Variants in SPOP observed in about 807,000 individuals in gnomAD.
SPOP encodes the protein speckle-type POZ protein.
A neutral mutation model predicts 45.6 loss-of-function variants in SPOP; 11 were observed. That is an observed-to-expected ratio of 0.24 (90% CI 0.15 to 0.40). The LOEUF is 0.40. Among genes scored for constraint, SPOP ranks in the 10% least tolerant of loss-of-function variants. SPOP has a pLI of 1.00. For missense variants in SPOP, 152 were observed against 465.6 expected (o/e 0.33, Z 6.20); for synonymous variants, 166 against 166.3 (o/e 1.00, Z 0.01).
chr17:49,644,421 GT>G (rs1448747078), intron 1 of SPOP, among the ~76,000 whole-genome samples: 1 of 152,106 alleles, frequency 6.6e-6, no homozygotes, highest in Non-Finnish European at 1.5e-5. Context: ...TAATGAGGTA[GT>G]TTAGGACAAA....
intron 1 of SPOP, among the ~76,000 whole-genome samples, chr17:49,650,116 C>T (rs1172817333): frequency 6.6e-6 from 1 of 151,748 alleles, no homozygotes; most frequent in Non-Finnish European, 1.5e-5. Context: ...GTCTTGAACT[C>T]CCAACCTCAG....
At chr17:49,623,637 AC>A (rs1416156364) in intron 1 of SPOP, among the ~76,000 whole-genome samples, 5 of 152,120 alleles carry the variant, frequency 3.3e-5, no homozygotes, top group African/African-American at 1.2e-4. Context: ...CTATTCCTCA[AC>A]CCATTGCTGG....
intron 1 of SPOP, among the ~76,000 whole-genome samples, chr17:49,648,316 G>T (rs535272361): frequency 3.9e-4 from 59 of 152,226 alleles, no homozygotes; most frequent in Admixed American, 3.7e-3. Flanking sequence ...AACCTACAGA[G>T]TCCTATAAGA....
chr17:49,648,656 C>A (rs977916561), intron 1 of SPOP, among the ~76,000 whole-genome samples: 1 of 152,212 alleles, frequency 6.6e-6, no homozygotes, highest in African/African-American at 2.4e-5. Context: ...ACAATGGGGG[C>A]TCTCCTCAAA....
chr17:49,624,331 G>GCGCGCGCGCA (rs71352523), intron 1 of SPOP, among the ~76,000 whole-genome samples: 1 of 149,224 alleles, frequency 6.7e-6, no homozygotes, highest in African/African-American at 2.5e-5. Flanking sequence ...GCGCGCGCGC[G>GCGCGCGCGCA]CACACACACA....
In SPOP at chr17:49,600,106, G is replaced by T. The variant is rs936549467; in HGVS notation, c.*272C>A. ...AGTACCACCGCTGGGATATCCTCGG[G>T]CCAGCGCCTAAACTGAATCCCCACA... On this transcript the variant is annotated 3_prime_UTR_variant, in exon 10 of 10. Coordinates refer to ENST00000504102, the MANE Select transcript of SPOP (RefSeq NM_001007228.2). This position sits in a 1 kb window ranked among gnomAD's most constrained non-coding sequence, Gnocchi z 4.2. The T allele has an allele frequency of 4.4e-6, 2 of 449,688 alleles. No individual in the cohort carries two copies. Among genetic ancestry groups the T allele is most frequent in the Admixed American group, 3.4e-5 (1 of 29,370 alleles). 27.9% of individuals were successfully genotyped at this position (449,688 alleles called of 1,614,324 possible).
chr17:49,599,607 A>G lies in SPOP; in HGVS notation c.*771T>C, dbSNP rs2071703607. The G allele has an allele frequency of 4.6e-6, 1 of 216,502 alleles. No individual in the cohort carries two copies. The highest frequency in any genetic ancestry group is 9.3e-6 in the Non-Finnish European group (1 of 107,254). 13.4% of individuals were successfully genotyped at this position (216,502 alleles called of 1,614,324 possible). On this transcript the variant is annotated 3_prime_UTR_variant, in exon 10 of 10. Coordinates refer to ENST00000504102, the MANE Select transcript of SPOP (RefSeq NM_001007228.2). ...TTTTCCACAATATCTAAAAACAGAG[A>G]ACCATAGTTCTTGTCAAGACAATAT...
chr17:49,643,411 G>A (rs2072695460), intron 1 of SPOP, among the ~76,000 whole-genome samples: 1 of 152,152 alleles, frequency 6.6e-6, no homozygotes, highest in East Asian at 1.9e-4. Flanking sequence ...AAAACCACTG[G>A]CAATTGAAAC....
chr17:49,670,436 C>T (rs1270204788), intron 1 of SPOP, among the ~76,000 whole-genome samples: 1 of 152,074 alleles, frequency 6.6e-6, no homozygotes, highest in East Asian at 1.9e-4. Context: ...TGAGAATAAC[C>T]TTGTAAATAT....
intron 1 of SPOP, among the ~76,000 whole-genome samples, chr17:49,634,896 G>T (rs749910144): frequency 5.3e-5 from 8 of 152,200 alleles, no homozygotes; most frequent in Non-Finnish European, 1.0e-4. Flanking sequence ...TGCTCCAGGG[G>T]ATTTGGTCTC....
intron 1 of SPOP, among the ~76,000 whole-genome samples, chr17:49,676,711 T>A (rs1454692620): frequency 6.6e-6 from 1 of 152,218 alleles, no homozygotes; most frequent in African/African-American, 2.4e-5. Context: ...AATCTTTTGC[T>A]ATTAAGATTT....
chr17:49,639,006 G>C (rs1229922232), intron 1 of SPOP, among the ~76,000 whole-genome samples: 1 of 152,172 alleles, frequency 6.6e-6, no homozygotes, highest in Non-Finnish European at 1.5e-5. Flanking sequence ...ATAATAGCAG[G>C]AGTCAGGCTG....
At chr17:49,612,655 T>C (rs1249357575) in intron 5 of SPOP, 1 of 152,234 alleles carries the variant, frequency 6.6e-6, no homozygotes, top group African/African-American at 2.4e-5. Flanking sequence ...ATAAAATAAA[T>C]GTCAGTTGCC....
chr17:49,630,264 T>TG (rs2072425598), intron 1 of SPOP, among the ~76,000 whole-genome samples: 1 of 152,222 alleles, frequency 6.6e-6, no homozygotes, highest in Non-Finnish European at 1.5e-5. Context: ...AAAGGAGCCT[T>TG]TTGTTTTTTC....
intron 1 of SPOP, among the ~76,000 whole-genome samples, chr17:49,667,211 C>G (rs1337225865): frequency 6.7e-6 from 1 of 148,328 alleles, no homozygotes; most frequent in Admixed American, 6.7e-5. Flanking sequence ...TTAAAACACA[C>G]CCATTAGGAT....
chr17:49,672,949 A>C (rs1410695198), intron 1 of SPOP, among the ~76,000 whole-genome samples: 1 of 152,086 alleles, frequency 6.6e-6, no homozygotes, highest in Non-Finnish European at 1.5e-5. Context: ...TCCATCTCGA[A>C]AAAAAAACAA....
chr17:49,624,326 C>T (rs538519526), intron 1 of SPOP, among the ~76,000 whole-genome samples: 46 of 93,500 alleles, frequency 4.9e-4, no homozygotes, highest in African/African-American at 1.2e-3. Flanking sequence ...CACACGCGCG[C>T]GCGCGCACAC....
chr17:49,639,336 A>G (rs1244480514), intron 1 of SPOP, among the ~76,000 whole-genome samples: 4 of 152,148 alleles, frequency 2.6e-5, no homozygotes, highest in African/African-American at 9.7e-5. Flanking sequence ...ACAAACTGGT[A>G]CCACCAGTTT....
chr17:49,600,533 T>C lies in SPOP; in HGVS notation c.981-11A>G. ...ACATCCGAAGCATGACTAGGAGAAATGTGGAGAAATGGGTTACCAAAGGGA... is the reference window on the plus strand; with the variant it reads ...ACATCCGAAGCATGACTAGGAGAAACGTGGAGAAATGGGTTACCAAAGGGA... On this transcript the variant is annotated splice_polypyrimidine_tract_variant and intron_variant, in intron 9 of 9. Transcript: ENST00000504102. This position sits in a 1 kb window ranked among gnomAD's most constrained non-coding sequence, Gnocchi z 4.2. 6.2e-7 allele frequency: 1 copy of C among 1,613,902 alleles called. No homozygotes were observed. The highest frequency in any genetic ancestry group is 1.1e-5 in the South Asian group (1 of 91,068).
Sources: allele counts gnomAD v4.1 joint callset (sites outside exome capture counted in the v4.1 genomes callset), GRCh38; gene constraint gnomAD v4.1.1; non-coding constraint Gnocchi (gnomAD v3.1); transcripts MANE v1.5; gene names NCBI Gene and HGNC (gene_info 2026-07-23, HGNC 2026-07-21).